EXT2: variants seen among roughly 807,000 people sequenced by gnomAD.
The protein encoded by EXT2 is exostosin-2.
EXT2 carries 53 observed loss-of-function variants against 81.6 expected under a neutral mutation model. That is an observed-to-expected ratio of 0.65 (90% CI 0.52 to 0.82). The LOEUF is 0.82. Among genes scored for constraint, EXT2 ranks in the 40% least tolerant of loss-of-function variants. The pLI, the probability that EXT2 is intolerant of heterozygous loss-of-function variation, is 0.00. For synonymous variants in EXT2, 320 were observed against 340.0 expected (o/e 0.94, Z 0.65); for missense variants, 774 against 910.2 (o/e 0.85, Z 1.93).
At chr11:44,124,531 C>T (rs553724056) in intron 4 of EXT2, among the ~76,000 whole-genome samples, 6 of 151,798 alleles carry the variant, frequency 4.0e-5, no homozygotes, top group Admixed American at 2.6e-4. Flanking sequence ...CATTTCCTCA[C>T]GATATCAAGA....
intron 7 of EXT2, among the ~76,000 whole-genome samples, chr11:44,137,890 G>C (rs760907442): frequency 2.6e-5 from 4 of 152,332 alleles, no homozygotes; most frequent in Admixed American, 6.5e-5. Flanking sequence ...CACAGATCCT[G>C]TCTTTAAGAA....
chr11:44,153,281 A>G (rs1382698383), intron 7 of EXT2, among the ~76,000 whole-genome samples: 1 of 152,152 alleles, frequency 6.6e-6, no homozygotes, highest in African/African-American at 2.4e-5. Flanking sequence ...GCTAATGTAA[A>G]TGGTGATGGG....
chr11:44,161,315 A>G (rs1359553312), intron 7 of EXT2, among the ~76,000 whole-genome samples: 1 of 152,166 alleles, frequency 6.6e-6, no homozygotes, highest in East Asian at 1.9e-4. Flanking sequence ...TTTTGACAGA[A>G]TGCCATACTT....
intron 9 of EXT2, among the ~76,000 whole-genome samples, chr11:44,204,375 A>G (rs142661658): frequency 6.6e-6 from 1 of 152,130 alleles, no homozygotes; most frequent in African/African-American, 2.4e-5. Context: ...TAAATAGACA[A>G]TGTGTTTGTG....
chr11:44,206,993 TA>T (rs1358832138), intron 10 of EXT2, 34 bp downstream of exon 10: 1 of 1,596,204 alleles, frequency 6.3e-7, no homozygotes, highest in Non-Finnish European at 8.6e-7. Flanking sequence ...TTTATATGTT[TA>T]ATATTACTTC....
In EXT2 at chr11:44,126,841, G is replaced by A. The variant is rs149727518; in HGVS notation, c.965G>A (p.Arg322His). Residue 322 changes from arginine to histidine, a missense_variant, in exon 6 of 14, where the codon CGT becomes CAT. Coordinates refer to ENST00000533608, the MANE Select transcript of EXT2 (RefSeq NM_207122.2). ...LQEATFCVVL[R>H]GARLGQAVLS... ...GAGGCTACTTTCTGTGTGGTTCTTC[G>A]TGGAGCTCGGCTGGGCCAGGCAGTA... The A allele has an allele frequency of 4.0e-4, 641 of 1,614,038 alleles. 3 individuals are homozygous for A. Among genetic ancestry groups the A allele is most frequent in the Non-Finnish European group, 2.7e-4 (315 of 1,180,038 alleles).
chr11:44,163,436 T>G (rs566350086), intron 7 of EXT2, among the ~76,000 whole-genome samples: 1 of 152,342 alleles, frequency 6.6e-6, no homozygotes, highest in East Asian at 1.9e-4. Context: ...CCTGCTCTTG[T>G]GCTGTCAAAA....
At chr11:44,165,296 G>A (rs1004377247) in intron 7 of EXT2, among the ~76,000 whole-genome samples, 3 of 152,194 alleles carry the variant, frequency 2.0e-5, no homozygotes, top group Admixed American at 6.5e-5. Context: ...CATTGCCAGC[G>A]TAGCTGAAGA....
rs1050996120 is a variant in EXT2, at chr11:44,251,818, C to T, written c.*7531C>T. Among the ~76,000 whole-genome samples, 2 of 152,090 alleles carry T rather than the reference C, an allele frequency of 1.3e-5. No homozygotes were observed. The highest frequency in any genetic ancestry group is 2.4e-5 in the African/African-American group (1 of 41,404). ...TACTTATTGAGCAGTTATTGTGTGC[C>T]AGATACTGTTCTTGGTGTGAGGATA... On this transcript the variant is annotated 3_prime_UTR_variant, in exon 14 of 14. Coordinates refer to ENST00000533608, the MANE Select transcript of EXT2 (RefSeq NM_207122.2).
chr11:44,178,772 C>T (rs1268179368), intron 8 of EXT2, among the ~76,000 whole-genome samples: 2 of 151,238 alleles, frequency 1.3e-5, no homozygotes, highest in African/African-American at 4.9e-5. Context: ...TTATTCTCTC[C>T]ATCTTCCTCC....
At position 44,107,775 on chromosome 11, in the gene EXT2, G is replaced by A. The variant is rs2134965352; in HGVS notation, c.63G>A (p.Lys21=). The stretch of plus-strand genomic sequence containing the variant: ...CCCTCATCCCAAGAATGAAGACCAA[G>A]CACCGAATCTACTATATCACCCTCT... ...GPALIPRMKT[K]HRIYYITLFS... The change falls in exon 2 of 14, where the codon AAG becomes AAA. Residue 21 remains lysine (K), a synonymous_variant. Coordinates refer to ENST00000533608, the MANE Select transcript of EXT2 (RefSeq NM_207122.2). 1 of 1,614,168 alleles carries A rather than the reference G, an allele frequency of 6.2e-7. No homozygotes were observed. Among genetic ancestry groups the A allele is most frequent in the Non-Finnish European group, 8.5e-7 (1 of 1,180,036 alleles).
intron 8 of EXT2, among the ~76,000 whole-genome samples, chr11:44,188,451 C>G (rs1255634395): frequency 6.6e-6 from 1 of 151,974 alleles, no homozygotes; most frequent in Non-Finnish European, 1.5e-5. Context: ...CACAAGCCAC[C>G]CCCACATGGA....
intron 8 of EXT2, among the ~76,000 whole-genome samples, chr11:44,186,988 TC>T: frequency 1.7e-5 from 1 of 60,406 alleles, no homozygotes; most frequent in Non-Finnish European, 3.5e-5. Flanking sequence ...AAAATTTCCT[TC>T]CTTCCTTCCT....
chr11:44,212,718 C>A (rs1436723732), intron 10 of EXT2, among the ~76,000 whole-genome samples: 1 of 152,140 alleles, frequency 6.6e-6, no homozygotes, highest in African/African-American at 2.4e-5. Context: ...TGTGGAGTAT[C>A]TATACAGGGG....
In EXT2 at chr11:44,107,824, A is replaced by G; in HGVS notation, c.112A>G (p.Ile38Val). The stretch of plus-strand genomic sequence containing the variant: ...CTTCTCCATTGTCCTCCTGGGCCTC[A>G]TTGCCACTGGCATGTTTCAGTTTTG... The part of the protein sequence containing the change: ...TLFSIVLLGL[I>V]ATGMFQFWPH... The change falls in exon 2 of 14, where the codon ATT becomes GTT. Residue 38 changes from isoleucine to valine, a missense_variant. This residue lies in a region of EXT2 where 626 missense variants were observed against 670.5 expected (regional missense o/e 0.93). Transcript: ENST00000533608. 1.2e-6 allele frequency: 2 copies of G among 1,614,072 alleles called. No homozygotes were observed. Among genetic ancestry groups the G allele is most frequent in the African/African-American group, 1.3e-5 (1 of 75,008 alleles).
At chr11:44,141,687 A>G (rs1463137168) in intron 7 of EXT2, among the ~76,000 whole-genome samples, 1 of 152,208 alleles carries the variant, frequency 6.6e-6, no homozygotes, top group Non-Finnish European at 1.5e-5. Context: ...CTCCTTGGGC[A>G]TTTGTTGGAG....
chr11:44,200,302 C>G (rs1445410205), intron 9 of EXT2, among the ~76,000 whole-genome samples: 1 of 141,682 alleles, frequency 7.1e-6, no homozygotes, highest in Non-Finnish European at 1.5e-5. Context: ...CCCCTTCCCA[C>G]TTTTTTTTTT....
intron 10 of EXT2, among the ~76,000 whole-genome samples, chr11:44,227,809 C>T (rs943378314): frequency 1.3e-5 from 2 of 152,182 alleles, no homozygotes; most frequent in Admixed American, 6.5e-5. Flanking sequence ...GGATCCTTCA[C>T]TAGAATGTAA....
At chr11:44,110,422 A>C (rs1298159950) in intron 3 of EXT2, among the ~76,000 whole-genome samples, 11 of 152,220 alleles carry the variant, frequency 7.2e-5, no homozygotes, top group Admixed American at 7.2e-4. Flanking sequence ...CAAATGCTGT[A>C]GGAAGTGGCT....
Sources: allele counts gnomAD v4.1 joint callset (sites outside exome capture counted in the v4.1 genomes callset), GRCh38; gene constraint gnomAD v4.1.1; regional missense constraint gnomAD v4.1.1; transcripts MANE v1.5; gene names NCBI Gene and HGNC (gene_info 2026-07-23, HGNC 2026-07-21).